The following TUSC3 variants were observed in gnomAD, a reference collection of about 807,000 sequenced individuals.
TUSC3 encodes dolichyl-diphosphooligosaccharide--protein glycosyltransferase subunit TUSC3.
TUSC3 carries 45 observed loss-of-function variants against 44.8 expected under a neutral mutation model. The observed-to-expected ratio is 1.00, with a 90% CI of 0.79 to 1.29. The LOEUF (loss-of-function observed/expected upper bound fraction) is 1.29. TUSC3 is among the 50% of genes most tolerant of loss of function. TUSC3 has a pLI of 0.00. For missense variants in TUSC3, 519 were observed against 437.9 expected (o/e 1.19, Z -1.65); for synonymous variants, 212 against 152.9 (o/e 1.39, Z -2.85).
chr8:15,757,772 A>T lies in TUSC3; in HGVS notation c.1029-19A>T, dbSNP rs1236185068. 6.8e-7 allele frequency: 1 copy of T among 1,477,536 alleles called. No homozygotes were observed. The highest frequency in any genetic ancestry group is 9.5e-7 in the Non-Finnish European group (1 of 1,055,920). The allele number at this position is 1,477,536 out of a possible 1,614,324, so 91.5% of individuals were successfully genotyped here. On this transcript the variant is annotated intron_variant, in intron 9 of 10. Coordinates refer to ENST00000503731, the MANE Select transcript of TUSC3 (RefSeq NM_006765.4). The stretch of plus-strand genomic sequence containing the variant: ...TATTTTTTCCATATTGTTGTATTTC[A>T]TTGTGGTGTATTGGAAAGTGATCTG...
intron 2 of TUSC3, among the ~76,000 whole-genome samples, chr8:15,502,058 C>T (rs1376393436): frequency 2.0e-5 from 3 of 152,156 alleles, no homozygotes; most frequent in Non-Finnish European, 4.4e-5. Flanking sequence ...ACAACCATCA[C>T]TTATGTGTTA....
At chr8:15,789,632 G>A in the TUSC3 span, among the ~76,000 whole-genome samples, 1 of 151,236 alleles carries the variant, frequency 6.6e-6, no homozygotes, top group South Asian at 2.1e-4. Context: ...ATTTGTGTAT[G>A]CAGATATATA....
chr8:15,773,087 C>T, the TUSC3 span, among the ~76,000 whole-genome samples: 1 of 128,154 alleles, frequency 7.8e-6, no homozygotes, highest in African/African-American at 2.9e-5. Context: ...GGCAAGAATG[C>T]CTACTTTCGC....
intron 9 of TUSC3, among the ~76,000 whole-genome samples, chr8:15,751,414 G>A (rs958697175): frequency 6.6e-6 from 1 of 152,192 alleles, no homozygotes; most frequent in Admixed American, 6.5e-5. Flanking sequence ...TCTTTATACT[G>A]TTCTCTTCAG....
chr8:15,677,634 T>C, intron 6 of TUSC3, among the ~76,000 whole-genome samples: 1 of 152,242 alleles, frequency 6.6e-6, no homozygotes, highest in East Asian at 1.9e-4. Context: ...AGAATGGCTC[T>C]GTCCATGCCC....
chr8:15,517,355 C>A lies in TUSC3; in HGVS notation n.189+33872C>A, dbSNP rs183923951. The stretch of plus-strand genomic sequence containing the variant: ...CGTACCTCATCACGCTGAATTACAC[C>A]CCGATCTTTGCTATTGTATTGCCAA... On this transcript the variant is annotated intron_variant and non_coding_transcript_variant, in intron 2 of 5. Coordinates refer to the TUSC3 transcript ENST00000503191. Among the ~76,000 whole-genome samples the A allele has an allele frequency of 2.6e-5, 4 of 151,858 alleles. No individual in the cohort carries two copies. The East Asian group carries it at 5.8e-4, about 22-fold the overall frequency.
chr8:15,583,819 A>G (rs116568102), intron 1 of TUSC3, among the ~76,000 whole-genome samples: 1 of 152,212 alleles, frequency 6.6e-6, no homozygotes, highest in Non-Finnish European at 1.5e-5. Context: ...CCATTTATGT[A>G]TATCCTAAAA....
chr8:15,708,011 C>A (rs1237940657), intron 6 of TUSC3, among the ~76,000 whole-genome samples: 2 of 151,882 alleles, frequency 1.3e-5, no homozygotes, highest in Non-Finnish European at 2.9e-5. Context: ...CTGTGCTTCT[C>A]TTTGTATCCT....
At chr8:15,639,834 G>A (rs932467341) in intron 2 of TUSC3, among the ~76,000 whole-genome samples, 65 of 135,816 alleles carry the variant, frequency 4.8e-4, no homozygotes, top group African/African-American at 1.7e-3. Flanking sequence ...CAGTCAATAT[G>A]AGTAAAACCA....
intron 1 of TUSC3, among the ~76,000 whole-genome samples, chr8:15,542,848 A>G (rs1410348928): frequency 6.6e-6 from 1 of 152,208 alleles, no homozygotes; most frequent in African/African-American, 2.4e-5. Context: ...GTGTATGTAT[A>G]TTTTACTGAA....
At chr8:15,572,520 C>G (rs112584931) in intron 1 of TUSC3, among the ~76,000 whole-genome samples, 101 of 152,300 alleles carry the variant, frequency 6.6e-4, no homozygotes, top group Middle Eastern at 3.4e-3. Flanking sequence ...GATGTGTTCA[C>G]TGGAGTAGCA....
At position 15,500,789 on chromosome 8, in the gene TUSC3, T is replaced by G. The variant is rs17611658; in HGVS notation, n.189+17306T>G. On this transcript the variant is annotated intron_variant and non_coding_transcript_variant, in intron 2 of 5. Transcript: ENST00000503191. ...AAGTTTCGGAACTTGAAAAGTCCCA[T>G]GATTTATTTTCTGTTCATGAATATT... Among the ~76,000 whole-genome samples the G allele has an allele frequency of 1.4e-4, 21 of 152,098 alleles. No individual in the cohort carries two copies. In the South Asian group the frequency reaches 4.1e-3, roughly 30 times the overall value.
intron 1 of TUSC3, among the ~76,000 whole-genome samples, chr8:15,460,031 A>C (rs146324607): frequency 0.02 from 3,012 of 152,122 alleles, 101 homozygotes; most frequent in African/African-American, 0.068. Flanking sequence ...GTAATAACTT[A>C]TTTTCCTCTG....
chr8:15,753,045 A>T (rs1346657028), intron 9 of TUSC3, among the ~76,000 whole-genome samples: 3 of 151,956 alleles, frequency 2.0e-5, no homozygotes, highest in Non-Finnish European at 4.4e-5. Flanking sequence ...AATTTAAGTA[A>T]TTTTTATATC....
At chr8:15,624,162 T>G (rs1187414182) in intron 2 of TUSC3, among the ~76,000 whole-genome samples, 1 of 152,244 alleles carries the variant, frequency 6.6e-6, no homozygotes, top group Non-Finnish European at 1.5e-5. Context: ...AATTATTTTT[T>G]TAAATTACTG....
intron 2 of TUSC3, among the ~76,000 whole-genome samples, chr8:15,631,716 T>C (rs986482201): frequency 1.3e-5 from 2 of 151,424 alleles, no homozygotes; most frequent in African/African-American, 4.9e-5. Flanking sequence ...GTGTTTTGTT[T>C]TGTTTTTAAG....
At chr8:15,470,252 C>G (rs899729082) in intron 1 of TUSC3, among the ~76,000 whole-genome samples, 6 of 138,396 alleles carry the variant, frequency 4.3e-5, no homozygotes, top group Admixed American at 1.5e-4. Context: ...GAGAAAGACC[C>G]TGTCTCAAAA....
the TUSC3 span, among the ~76,000 whole-genome samples, chr8:15,841,247 CTA>C: frequency 6.6e-6 from 1 of 151,974 alleles, no homozygotes; most frequent in Non-Finnish European, 1.5e-5. Context: ...AGTTCTAACT[CTA>C]TATTCTAAAG....
At chr8:15,474,930 A>C (rs1453845176) in intron 1 of TUSC3, among the ~76,000 whole-genome samples, 1 of 152,270 alleles carries the variant, frequency 6.6e-6, no homozygotes, top group East Asian at 1.9e-4. Context: ...AATTAAAGCA[A>C]TTTCTTATTT....
Sources: allele counts gnomAD v4.1 joint callset (sites outside exome capture counted in the v4.1 genomes callset), GRCh38; gene constraint gnomAD v4.1.1; transcripts MANE v1.5; gene names NCBI Gene and HGNC (gene_info 2026-07-23, HGNC 2026-07-21).